FAS: variants seen among roughly 807,000 people sequenced by gnomAD.
FAS encodes the protein Fas cell surface death receptor.
A neutral mutation model predicts 33.2 loss-of-function variants in FAS; 5 were observed. The ratio of observed to expected loss-of-function variants is 0.15; its 90% CI spans 0.08 to 0.32. FAS has a LOEUF of 0.32. FAS is among the 10% of genes least tolerant of loss of function. FAS has a pLI of 1.00. For synonymous variants in FAS, 131 were observed against 130.7 expected (o/e 1.00, Z -0.01); for missense variants, 339 against 386.0 (o/e 0.88, Z 1.02).
upstream of FAS, among the ~76,000 whole-genome samples, chr10:88,985,284 T>C (rs538240660): frequency 9.2e-5 from 14 of 152,320 alleles, 1 homozygote; most frequent in South Asian, 2.1e-3. Context: ...CTGTCCTTCA[T>C]AGGACAAGTT....
intron 6 of FAS, among the ~76,000 whole-genome samples, chr10:89,011,558 A>G (rs1385731800): frequency 2.0e-5 from 3 of 152,240 alleles, no homozygotes; most frequent in Admixed American, 1.3e-4. Flanking sequence ...AGATTCTTCT[A>G]TCTCACATTG....
In FAS at chr10:88,990,865, T is replaced by C; in HGVS notation, c.-12T>C. Reference sequence around the variant, plus strand: ...GGGAAGCTCTTTCACTTCGGAGGATTGCTCAACAACCATGCTGGGCATCTG... The same window carrying C: ...GGGAAGCTCTTTCACTTCGGAGGATCGCTCAACAACCATGCTGGGCATCTG... On this transcript the variant is annotated 5_prime_UTR_variant, in exon 1 of 9. Transcript: ENST00000652046. This position sits in a 1 kb window ranked among gnomAD's most constrained non-coding sequence, Gnocchi z 4.9. The C allele has an allele frequency of 1.2e-6, 2 of 1,614,206 alleles. No individual in the cohort carries two copies. The highest frequency in any genetic ancestry group is 1.7e-6 in the Non-Finnish European group (2 of 1,180,028).
chr10:88,995,289 G>A (rs980225094), intron 1 of FAS, among the ~76,000 whole-genome samples: 1 of 152,152 alleles, frequency 6.6e-6, no homozygotes, highest in Non-Finnish European at 1.5e-5. Flanking sequence ...TGAAGTGACA[G>A]TGTGAGTAGT....
chr10:88,977,413 A>G (rs1033871005), intron 2 of FAS, among the ~76,000 whole-genome samples: 1 of 151,744 alleles, frequency 6.6e-6, no homozygotes, highest in African/African-American at 2.4e-5. Flanking sequence ...CCATTTATTA[A>G]ATAGGGAATC....
At chr10:88,982,407 C>T (rs1034791103), upstream of FAS, among the ~76,000 whole-genome samples, 4 of 151,296 alleles carry the variant, frequency 2.6e-5, no homozygotes, top group African/African-American at 7.3e-5. Context: ...GAGATCTCAC[C>T]GAGCTTAAAT....
upstream of FAS, among the ~76,000 whole-genome samples, chr10:88,982,854 T>C (rs1338381349): frequency 6.6e-6 from 1 of 152,172 alleles, no homozygotes; most frequent in Non-Finnish European, 1.5e-5. Flanking sequence ...AGAAATGCTG[T>C]AATAATAATA....
At chr10:89,001,924 T>A (rs865963729) in intron 1 of FAS, among the ~76,000 whole-genome samples, 15 of 152,110 alleles carry the variant, frequency 9.9e-5, no homozygotes, top group African/African-American at 3.6e-4. Flanking sequence ...GTGCCCAAAC[T>A]GGAGGGAGGG....
chr10:88,990,514 C>A (rs536413795), upstream of FAS: 3 of 595,404 alleles, frequency 5.0e-6, no homozygotes, highest in East Asian at 6.9e-5. This position sits in a 1 kb window ranked among gnomAD's most constrained non-coding sequence, Gnocchi z 4.9. Context: ...CCTTCCTCAC[C>A]CTGACTTCTC....
intron 1 of FAS, among the ~76,000 whole-genome samples, chr10:88,970,029 A>G (rs1846397333): frequency 6.6e-6 from 1 of 152,200 alleles, no homozygotes; most frequent in Non-Finnish European, 1.5e-5. Flanking sequence ...ATGTAACCAC[A>G]CTGATAACTG....
chr10:89,011,718 CAG>C (rs925163260), intron 6 of FAS, among the ~76,000 whole-genome samples: 2 of 152,202 alleles, frequency 1.3e-5, no homozygotes, highest in Non-Finnish European at 2.9e-5. Flanking sequence ...CTTTGCTGGA[CAG>C]AGAGTGGTGC....
chr10:88,991,281 C>T (rs1220158353), intron 1 of FAS: 3 of 424,792 alleles, frequency 7.1e-6, no homozygotes, highest in African/African-American at 4.1e-5. Flanking sequence ...GGAGGGGGAC[C>T]CCGGTTGGAG....
chr10:88,999,433 A>G (rs1312025123), intron 1 of FAS, among the ~76,000 whole-genome samples: 2 of 152,224 alleles, frequency 1.3e-5, no homozygotes, highest in East Asian at 1.9e-4. Context: ...CTTTTAAGCT[A>G]AGCATTTTAT....
chr10:89,009,044 A>G (rs1205843331), intron 4 of FAS, 47 bp downstream of exon 4: 5 of 1,480,470 alleles, frequency 3.4e-6, no homozygotes, highest in Non-Finnish European at 4.7e-6. Context: ...ATAACATGAG[A>G]GTTATCATTT....
chr10:88,973,260 G>A, exon 2 of FAS: 1 of 1,612,554 alleles, frequency 6.2e-7, no homozygotes, highest in Admixed American at 1.7e-5. Flanking sequence ...TGGACCAAAT[G>A]GATTCCCACT....
chr10:88,968,594 A>C (rs1444145992), intron 1 of FAS, among the ~76,000 whole-genome samples: 3 of 152,192 alleles, frequency 2.0e-5, no homozygotes, highest in Non-Finnish European at 2.9e-5. Flanking sequence ...GCTTCTTTAG[A>C]GAAGTGGATG....
At chr10:89,006,793 T>C (rs1848252234) in intron 2 of FAS, among the ~76,000 whole-genome samples, 1 of 152,250 alleles carries the variant, frequency 6.6e-6, no homozygotes, top group African/African-American at 2.4e-5. Context: ...TAGGACTCAA[T>C]AGGCATTTAA....
chr10:88,979,422 G>A (rs1040305386), intron 2 of FAS, among the ~76,000 whole-genome samples: 1 of 152,130 alleles, frequency 6.6e-6, no homozygotes, highest in Non-Finnish European at 1.5e-5. Context: ...CAGCATTCAG[G>A]ACAGATGAGA....
upstream of FAS, among the ~76,000 whole-genome samples, chr10:88,987,093 G>A (rs1846920277): frequency 6.6e-6 from 1 of 152,078 alleles, no homozygotes; most frequent in African/African-American, 2.4e-5. Flanking sequence ...CTATTAATTG[G>A]TAGAAATAAT....
At chr10:88,974,356 C>T (rs2133331324) in intron 2 of FAS, 1 of 152,128 alleles carries the variant, frequency 6.6e-6, no homozygotes, top group East Asian at 1.9e-4. Flanking sequence ...AGATTTTGCA[C>T]TTCAAATTGG....
Sources: allele counts gnomAD v4.1 joint callset (sites outside exome capture counted in the v4.1 genomes callset), GRCh38; gene constraint gnomAD v4.1.1; non-coding constraint Gnocchi (gnomAD v3.1); transcripts MANE v1.5; gene names NCBI Gene and HGNC (gene_info 2026-07-23, HGNC 2026-07-21).